Variants in CDK5RAP2 observed in about 807,000 individuals in gnomAD.
CDK5RAP2 encodes the protein CDK5 regulatory subunit-associated protein 2.
In CDK5RAP2, 147 loss-of-function variants were observed where a neutral mutation model predicts 232.9. That is an observed-to-expected ratio of 0.63 (90% confidence interval 0.55 to 0.72). CDK5RAP2 has a LOEUF of 0.72. CDK5RAP2 is among the 30% of genes least tolerant of loss of function. CDK5RAP2 has a pLI of 0.00. For synonymous variants in CDK5RAP2, 833 were observed against 833.7 expected (o/e 1.00, Z 0.01); for missense variants, 2,195 against 2,231.5 (o/e 0.98, Z 0.33).
intron 27 of CDK5RAP2, among the ~76,000 whole-genome samples, chr9:120,418,847 C>T (rs1452923318): frequency 1.3e-5 from 2 of 152,176 alleles, no homozygotes; most frequent in Non-Finnish European, 2.9e-5. Flanking sequence ...TCAGAGGCCA[C>T]CATGGGACAA....
chr9:120,510,568 CAT>C (rs1564316960), intron 12 of CDK5RAP2, among the ~76,000 whole-genome samples: 1 of 152,114 alleles, frequency 6.6e-6, no homozygotes, highest in Non-Finnish European at 1.5e-5. Flanking sequence ...CATTCATGCA[CAT>C]GTGCACACTC....
intron 12 of CDK5RAP2, among the ~76,000 whole-genome samples, chr9:120,503,289 C>T (rs1379270237): frequency 6.6e-6 from 1 of 152,168 alleles, no homozygotes; most frequent in Non-Finnish European, 1.5e-5. Flanking sequence ...GAACCAAGCA[C>T]CTTCAACCTC....
intron 21 of CDK5RAP2, among the ~76,000 whole-genome samples, chr9:120,452,426 C>A (rs1306985996): frequency 6.6e-6 from 1 of 152,040 alleles, no homozygotes; most frequent in Non-Finnish European, 1.5e-5. Flanking sequence ...AAACTTAATT[C>A]TCCATTCTGA....
chr9:120,524,863 A>G, intron 11 of CDK5RAP2, 123 bp downstream of exon 11: 1 of 716,662 alleles, frequency 1.4e-6, no homozygotes, highest in Non-Finnish European at 2.5e-6. Context: ...AGCAAATTCT[A>G]TCACTGAAGA....
intron 21 of CDK5RAP2, 118 bp downstream of exon 21, chr9:120,453,338 G>A: frequency 2.2e-6 from 2 of 922,156 alleles, no homozygotes; most frequent in South Asian, 3.3e-5. Context: ...TGCAAGCAGA[G>A]GGAGACACTG....
At chr9:120,440,365 A>T (rs1318415981) in intron 23 of CDK5RAP2, 1 of 284,052 alleles carries the variant, frequency 3.5e-6, no homozygotes, top group Non-Finnish European at 6.8e-6. Flanking sequence ...GATTTCCTAC[A>T]AAATTAACCA....
intron 18 of CDK5RAP2, among the ~76,000 whole-genome samples, chr9:120,463,100 G>A (rs759818507): frequency 4.6e-5 from 7 of 152,040 alleles, no homozygotes; most frequent in South Asian, 2.1e-4. Flanking sequence ...GGCCAGGCAC[G>A]GTGGCTCACA....
chr9:120,492,492 AC>A (rs2038957773), intron 12 of CDK5RAP2, among the ~76,000 whole-genome samples: 2 of 152,344 alleles, frequency 1.3e-5, no homozygotes, highest in Admixed American at 6.5e-5. Flanking sequence ...TACAGATGTG[AC>A]GTTGCAATCA....
intron 8 of CDK5RAP2, 69 bp downstream of exon 8, chr9:120,529,909 G>T: frequency 7.0e-7 from 1 of 1,434,014 alleles, no homozygotes; most frequent in Non-Finnish European, 9.8e-7. Context: ...GACCGAATGC[G>T]CATTCCATCT....
At chr9:120,467,096 T>G (rs1380856284) in intron 18 of CDK5RAP2, among the ~76,000 whole-genome samples, 2 of 152,224 alleles carry the variant, frequency 1.3e-5, no homozygotes, top group Non-Finnish European at 2.9e-5. Flanking sequence ...GTCCTCCCAT[T>G]GTGCAGCCCA....
intron 15 of CDK5RAP2, among the ~76,000 whole-genome samples, chr9:120,473,642 T>G (rs538177953): frequency 6.6e-6 from 1 of 152,220 alleles, no homozygotes; most frequent in Non-Finnish European, 1.5e-5. Flanking sequence ...TACTAGCAAC[T>G]TGTATCTAGT....
At chr9:120,399,396 T>TATA (rs1409633613) in intron 35 of CDK5RAP2, among the ~76,000 whole-genome samples, 1 of 152,106 alleles carries the variant, frequency 6.6e-6, no homozygotes, top group Non-Finnish European at 1.5e-5. Flanking sequence ...ATTCAAAAAA[T>TATA]ATAAATAAAA....
At chr9:120,449,663 C>T (rs571130894) in intron 21 of CDK5RAP2, among the ~76,000 whole-genome samples, 217 of 152,240 alleles carry the variant, frequency 1.4e-3, no homozygotes, top group African/African-American at 5.0e-3. Context: ...AGAAATACTA[C>T]GACTCAATAA....
intron 21 of CDK5RAP2, among the ~76,000 whole-genome samples, chr9:120,451,016 G>C (rs1205696295): frequency 6.6e-6 from 1 of 152,190 alleles, no homozygotes; most frequent in Non-Finnish European, 1.5e-5. Flanking sequence ...ACAATCATTT[G>C]CTTCGTCCTC....
At chr9:120,452,777 C>T (rs540919242) in intron 21 of CDK5RAP2, among the ~76,000 whole-genome samples, 66 of 152,004 alleles carry the variant, frequency 4.3e-4, no homozygotes, top group African/African-American at 1.3e-3. Flanking sequence ...GTAGCCTGAT[C>T]CAGGGAAAGG....
intron 1 of CDK5RAP2, among the ~76,000 whole-genome samples, chr9:120,578,401 T>C (rs1022423730): frequency 1.6e-4 from 24 of 152,236 alleles, no homozygotes; most frequent in African/African-American, 5.8e-4. Context: ...GAAAAGGGCA[T>C]GATGAAATAT....
chr9:120,521,976 G>A (rs552461085), intron 11 of CDK5RAP2, among the ~76,000 whole-genome samples: 3 of 152,180 alleles, frequency 2.0e-5, no homozygotes, highest in Admixed American at 6.5e-5. Context: ...TCCCAGTCTC[G>A]GGTATGTCTT....
intron 1 of CDK5RAP2, among the ~76,000 whole-genome samples, chr9:120,576,704 C>T (rs1185876970): frequency 6.7e-6 from 1 of 148,288 alleles, no homozygotes; most frequent in African/African-American, 2.5e-5. Context: ...TCTGTCTCAA[C>T]GACAAAAAAA....
At chr9:120,548,747 G>A (rs547279649) in intron 4 of CDK5RAP2, among the ~76,000 whole-genome samples, 2 of 152,196 alleles carry the variant, frequency 1.3e-5, no homozygotes, top group African/African-American at 2.4e-5. Flanking sequence ...AAGAGTTCAA[G>A]GTTGCAGTGA....
Sources: allele counts gnomAD v4.1 joint callset (sites outside exome capture counted in the v4.1 genomes callset), GRCh38; gene constraint gnomAD v4.1.1; transcripts MANE v1.5; gene names NCBI Gene and HGNC (gene_info 2026-07-23, HGNC 2026-07-21).